The following VAC14 variants were observed in gnomAD, a reference collection of about 807,000 sequenced individuals.
VAC14 encodes protein VAC14 homolog.
VAC14 carries 47 observed loss-of-function variants against 85.3 expected under a neutral mutation model. The observed-to-expected ratio is 0.55, with a 90% CI of 0.44 to 0.70. The LOEUF (loss-of-function observed/expected upper bound fraction) is 0.70. Among genes scored for constraint, VAC14 ranks in the 30% least tolerant of loss-of-function variants. The probability of loss-of-function intolerance (pLI) is 0.00; values close to 1 mark genes in which losing one functional copy is unlikely to be tolerated. For missense variants in VAC14, 861 were observed against 1,004.3 expected (o/e 0.86, Z 1.93); for synonymous variants, 447 against 430.5 (o/e 1.04, Z -0.47).
intron 1 of VAC14, among the ~76,000 whole-genome samples, chr16:70,787,018 T>C (rs1352551641): frequency 6.6e-6 from 1 of 152,160 alleles, no homozygotes; most frequent in African/African-American, 2.4e-5. Flanking sequence ...CCACGCAAGC[T>C]GACATGGCAT....
intron 12 of VAC14, among the ~76,000 whole-genome samples, chr16:70,745,528 C>T (rs1021170920): frequency 1.3e-4 from 19 of 144,948 alleles, no homozygotes; most frequent in Admixed American, 2.7e-4. Context: ...TGCGCGTGTG[C>T]GCGCGTGTGC....
chr16:70,715,812 T>C (rs985112353), intron 14 of VAC14: 3 of 152,156 alleles, frequency 2.0e-5, no homozygotes, highest in East Asian at 1.9e-4. Flanking sequence ...GCAGGCGGGA[T>C]AGAGAAGGGG....
At chr16:70,694,856 G>A (rs569240390) in intron 17 of VAC14, among the ~76,000 whole-genome samples, 3 of 152,364 alleles carry the variant, frequency 2.0e-5, no homozygotes, top group South Asian at 4.1e-4. Flanking sequence ...TACAGGCATG[G>A]CTCTTGGGCC....
chr16:70,737,119 C>T (rs751663288), intron 13 of VAC14, among the ~76,000 whole-genome samples: 27 of 152,164 alleles, frequency 1.8e-4, no homozygotes, highest in Non-Finnish European at 3.4e-4. Flanking sequence ...AGGGTGACTA[C>T]AGGAGAAATG....
chr16:70,744,840 A>G (rs1000418228), intron 12 of VAC14, among the ~76,000 whole-genome samples: 1 of 152,220 alleles, frequency 6.6e-6, no homozygotes, highest in Non-Finnish European at 1.5e-5. Flanking sequence ...TCGGAGAGTC[A>G]GCTTCCCCAC....
At chr16:70,737,995 G>C (rs1355797379) in intron 13 of VAC14, among the ~76,000 whole-genome samples, 1 of 152,218 alleles carries the variant, frequency 6.6e-6, no homozygotes, top group African/African-American at 2.4e-5. Context: ...GGATACAAGG[G>C]AAGGGCCAGA....
rs533171340 is a variant in VAC14, at chr16:70,709,670, G to A, written c.1662-10859C>T. On this transcript the variant is annotated intron_variant, in intron 14 of 18. Coordinates refer to ENST00000261776, the MANE Select transcript of VAC14 (RefSeq NM_018052.5). ...CTCTGACCCAGCGGAGAAAGTCCAC[G>A]GGGCTGACTCCAACAGCAGGTTCCC... is the stretch of plus-strand genomic sequence containing the variant. Among the ~76,000 whole-genome samples the A allele has an allele frequency of 3.7e-4, 56 of 152,272 alleles. 1 individual carries two copies. The South Asian group carries it at 0.01, about 28-fold the overall frequency.
At chr16:70,766,202 G>A (rs2032800068) in intron 10 of VAC14, among the ~76,000 whole-genome samples, 1 of 152,034 alleles carries the variant, frequency 6.6e-6, no homozygotes, top group Non-Finnish European at 1.5e-5. Flanking sequence ...AGGACACGGG[G>A]GAAGCCTGGT....
At chr16:70,695,269 G>C (rs915148829) in intron 17 of VAC14, among the ~76,000 whole-genome samples, 1 of 152,092 alleles carries the variant, frequency 6.6e-6, no homozygotes. Flanking sequence ...GCACTCTCAT[G>C]CCTGGCTAAT....
intron 14 of VAC14, among the ~76,000 whole-genome samples, chr16:70,719,225 G>A (rs1358270404): frequency 1.3e-5 from 2 of 152,170 alleles, no homozygotes; most frequent in East Asian, 3.8e-4. Context: ...TCGATTCCAG[G>A]TGGATCATGC....
intron 12 of VAC14, among the ~76,000 whole-genome samples, chr16:70,757,784 A>G (rs940045004): frequency 2.6e-5 from 4 of 152,188 alleles, no homozygotes; most frequent in African/African-American, 9.7e-5. Flanking sequence ...TCGTGGGTTT[A>G]TGTGTGCTGG....
At chr16:70,729,076 G>C (rs150501238) in intron 14 of VAC14, among the ~76,000 whole-genome samples, 3 of 152,296 alleles carry the variant, frequency 2.0e-5, no homozygotes, top group African/African-American at 7.2e-5. Flanking sequence ...CAACTGGGGT[G>C]ATTCTCCTCC....
At position 70,800,955 on chromosome 16, in the gene VAC14, C is replaced by G. The variant is rs1000880841; in HGVS notation, c.-55G>C. 2 of 1,391,296 alleles carry G rather than the reference C, an allele frequency of 1.4e-6. No homozygotes were observed. The highest frequency in any genetic ancestry group is 3.0e-5 in the African/African-American group (2 of 66,974). 86.2% of individuals were successfully genotyped at this position (1,391,296 alleles called of 1,614,324 possible). A position where few individuals can be genotyped will look rare whatever the true frequency, so the allele number is the denominator to read the frequency against. ...TTAGCCCGCGGCTGCCGGGGCCGCG[C>G]CGGGGCCAGGGGAGTCTGCGGCTCC... On this transcript the variant is annotated 5_prime_UTR_variant, in exon 1 of 19. Coordinates refer to ENST00000261776, the MANE Select transcript of VAC14 (RefSeq NM_018052.5).
rs759252706 is a variant in VAC14, at chr16:70,786,401, G to C, written c.105-36C>G. 8.1e-6 allele frequency: 13 copies of C among 1,604,296 alleles called. No individual in the cohort carries two copies. In the South Asian group the frequency reaches 1.2e-4, roughly 15 times the overall value. ...AGGAGAGAGGGGCTGTGGGAATCAG[G>C]CTACCTCTGCTGTGGCCTCCAGGGC... On this transcript the variant is annotated intron_variant, in intron 1 of 18. Transcript: ENST00000261776.
At chr16:70,772,361 T>A in intron 9 of VAC14, 189 bp from the exon 10 acceptor site, 1 of 568,240 alleles carries the variant, frequency 1.8e-6, no homozygotes. Context: ...GTCCCCAAGC[T>A]TGTAAGTCTG....
At chr16:70,768,083 C>T (rs2032949167) in intron 10 of VAC14, among the ~76,000 whole-genome samples, 1 of 152,140 alleles carries the variant, frequency 6.6e-6, no homozygotes, top group Non-Finnish European at 1.5e-5. Flanking sequence ...CAGGTTTTCA[C>T]CATGTTGCCC....
intron 1 of VAC14, among the ~76,000 whole-genome samples, chr16:70,800,393 G>A (rs921887976): frequency 2.0e-5 from 3 of 152,156 alleles, no homozygotes; most frequent in Non-Finnish European, 2.9e-5. Flanking sequence ...CAGAAGCTGG[G>A]TAAGAAACCA....
chr16:70,793,651 T>A (rs1378288078), intron 1 of VAC14, among the ~76,000 whole-genome samples: 1 of 152,206 alleles, frequency 6.6e-6, no homozygotes, highest in Non-Finnish European at 1.5e-5. Context: ...CTGTCCTAGG[T>A]GGCAGAGGTT....
chr16:70,784,152 G>A lies in VAC14; in HGVS notation c.555C>T (p.Tyr185=). 2 of 1,614,198 alleles carry A rather than the reference G, an allele frequency of 1.2e-6. No individual in the cohort carries two copies. Among genetic ancestry groups the A allele is most frequent in the East Asian group, 2.2e-5 (1 of 44,882 alleles). ...SFIPLLRERI[Y]SNNQYARQFI... is the part of the protein sequence containing the mutation. ...ACTGCCGGGCATACTGGTTGTTGGA[G>A]TAAATCCTCTCTCGCAACAAGGGGA... The change falls in exon 5 of 19, where the codon TAC becomes TAT. Residue 185 remains tyrosine, a synonymous_variant. Coordinates refer to ENST00000261776, the MANE Select transcript of VAC14 (RefSeq NM_018052.5).
Sources: allele counts gnomAD v4.1 joint callset (sites outside exome capture counted in the v4.1 genomes callset), GRCh38; gene constraint gnomAD v4.1.1; transcripts MANE v1.5; gene names NCBI Gene and HGNC (gene_info 2026-07-23, HGNC 2026-07-21).